The following EIF2AK1 variants were observed in gnomAD, a reference collection of about 807,000 sequenced individuals.
EIF2AK1 encodes eukaryotic translation initiation factor 2 alpha kinase 1, also known as eukaryotic translation initiation factor 2-alpha kinase 1.
Under a neutral mutation model 77.9 loss-of-function variants are expected in EIF2AK1, and 54 were observed. The observed-to-expected ratio is 0.69, with a 90% CI of 0.56 to 0.87. The LOEUF (loss-of-function observed/expected upper bound fraction) is 0.87, where lower values mean the gene tolerates loss of function less well. Among genes scored for constraint, EIF2AK1 ranks in the 40% least tolerant of loss-of-function variants. The pLI is 0.00. For missense variants in EIF2AK1, 810 were observed against 768.6 expected (o/e 1.05, Z -0.64); for synonymous variants, 314 against 290.5 (o/e 1.08, Z -0.82).
chr7:6,027,101 C>T lies in EIF2AK1; in HGVS notation c.1531-140G>A. On this transcript the variant is annotated intron_variant, in intron 13 of 14. Coordinates refer to ENST00000199389, the MANE Select transcript of EIF2AK1 (RefSeq NM_014413.4). This position sits in a 1 kb window ranked among gnomAD's most constrained non-coding sequence, Gnocchi z 4.5. The stretch of plus-strand genomic sequence containing the variant: ...GTCACCCACAAGGAAGGGAACAGAG[C>T]AGGATAGCTCATCAGTGACAGGGAC... 1 of 690,254 alleles carries T rather than the reference C, an allele frequency of 1.4e-6. No individual in the cohort carries two copies. Among genetic ancestry groups the T allele is most frequent in the South Asian group, 1.8e-5 (1 of 54,630 alleles). 42.8% of individuals were successfully genotyped at this position (690,254 alleles called of 1,614,324 possible).
Position 6,056,598 on chromosome 7 carries a change from G to GAAAAAAAAAAAAAAAAAAAA in EIF2AK1, c.119-1895_119-1894insTTTTTTTTTTTTTTTTTTTT, listed in dbSNP as rs1181376161. ...AACAGAGGGAGACTCCATCTCAAGG[G>GAAAAAAAAAAAAAAAAAAAA]AAAAAAAAAAAAAAAATATATATAT... On this transcript the variant is annotated intron_variant, in intron 1 of 14. Coordinates refer to ENST00000199389, the MANE Select transcript of EIF2AK1 (RefSeq NM_014413.4). Among the ~76,000 whole-genome samples, 8 of 48,826 alleles carry GAAAAAAAAAAAAAAAAAAAA rather than the reference G, an allele frequency of 1.6e-4. 1 individual carries two copies. Among genetic ancestry groups the GAAAAAAAAAAAAAAAAAAAA allele is most frequent in the Admixed American group, 2.5e-4 (1 of 3,980 alleles). The allele number at this position is 48,826 out of a possible 152,430, so 32.0% of individuals were successfully genotyped here.
intron 1 of EIF2AK1, among the ~76,000 whole-genome samples, chr7:6,058,759 G>C (rs113574967): frequency 6.6e-6 from 1 of 152,218 alleles, no homozygotes; most frequent in Admixed American, 6.5e-5. Flanking sequence ...AGGAGGGAGA[G>C]GCAGACGTTC....
chr7:6,041,167 C>T lies in EIF2AK1; in HGVS notation c.844G>A (p.Ala282Thr). Residue 282 changes from alanine (A) to threonine (T), a missense_variant, in exon 9 of 15, where the codon GCT becomes ACT. Ala to Thr is a moderately conservative substitution (Grantham distance 58, BLOSUM62 0). Transcript: ENST00000199389. Reference protein sequence around the residue: ...DESSSSSIIFAEPTPEKEKRF... With the variant: ...DESSSSSIIFTEPTPEKEKRF... ...TTTTCTTTTTCTGGGGTGGGCTCAG[C>T]AAAGATAATGGATGAGCTGCTACTT... The T allele has an allele frequency of 6.2e-7, 1 of 1,613,370 alleles. No homozygotes were observed. The highest frequency in any genetic ancestry group is 2.2e-5 in the East Asian group (1 of 44,860).
intron 11 of EIF2AK1, 35 bp from the exon 12 acceptor site, chr7:6,029,067 T>G (rs1363008308): frequency 2.0e-6 from 3 of 1,503,744 alleles, no homozygotes; most frequent in African/African-American, 1.4e-5. Flanking sequence ...CTCCTTGGCT[T>G]TCTTAAAACA....
At chr7:6,054,812 A>T (rs1788704598) in intron 1 of EIF2AK1, 108 bp from the exon 2 acceptor site, 1 of 1,172,504 alleles carries the variant, frequency 8.5e-7, no homozygotes, top group South Asian at 1.6e-5. Flanking sequence ...ATGTAAGCAG[A>T]TAAAAACCAA....
intron 2 of EIF2AK1, among the ~76,000 whole-genome samples, chr7:6,053,076 C>G (rs936138264): frequency 7.2e-5 from 11 of 152,008 alleles, no homozygotes; most frequent in African/African-American, 2.7e-4. Context: ...AGGAATTACT[C>G]AAAGAAAAAT....
chr7:6,056,611 A>AAAAAAAAAAAAAAAATAT (rs1788773483), intron 1 of EIF2AK1, among the ~76,000 whole-genome samples: 2 of 31,160 alleles, frequency 6.4e-5, no homozygotes, highest in African/African-American at 1.2e-4. Context: ...AAAAAAAAAA[A>AAAAAAAAAAAAAAAATAT]AAATATATAT....
chr7:6,046,352 G>A (rs1289507333), intron 5 of EIF2AK1: 3 of 334,800 alleles, frequency 9.0e-6, no homozygotes, highest in Non-Finnish European at 1.6e-5. Flanking sequence ...CTCCTAAGAA[G>A]CTCTAGGCTG....
At chr7:6,040,067 T>TC (rs977115017) in intron 9 of EIF2AK1, among the ~76,000 whole-genome samples, 10 of 152,122 alleles carry the variant, frequency 6.6e-5, no homozygotes, top group Non-Finnish European at 1.3e-4. Flanking sequence ...CTGACAATTT[T>TC]CATGTTTTTA....
In EIF2AK1 at chr7:6,031,676, A is replaced by T. The variant is rs552092243; in HGVS notation, c.1333-2644T>A. 2.2e-5 allele frequency: 30 copies of T among 1,342,624 alleles called. No homozygotes were observed. In the South Asian group the frequency reaches 3.1e-4, roughly 14 times the overall value. 83.2% of individuals were successfully genotyped at this position (1,342,624 alleles called of 1,614,324 possible). A position where few individuals can be genotyped will look rare whatever the true frequency, so the allele number is the denominator to read the frequency against. On this transcript the variant is annotated intron_variant, in intron 11 of 14. Coordinates refer to ENST00000199389, the MANE Select transcript of EIF2AK1 (RefSeq NM_014413.4). ...TGATCTAAAGCTGGTGAACCCACTA[A>T]GCTCACGGCCCTTATGAGAATGAGA...
intron 14 of EIF2AK1, among the ~76,000 whole-genome samples, chr7:6,025,649 ATATTG>A (rs1387161043): frequency 5.3e-5 from 8 of 152,144 alleles, no homozygotes; most frequent in Non-Finnish European, 1.2e-4. Context: ...TTCACTATTT[ATATTG>A]AGACGGAGTC....
Position 6,033,000 on chromosome 7 carries a change from G to T in EIF2AK1, c.1333-3968C>A. The T allele has an allele frequency of 7.2e-7, 1 of 1,394,756 alleles. No individual in the cohort carries two copies. 86.4% of individuals were successfully genotyped at this position (1,394,756 alleles called of 1,614,324 possible). ...TTTTTTGTTTTGAGGCAGGGGTCTCGCTCTGTTGCCCAGGCTGGAGTGCAA... is the reference window on the plus strand; with the variant it reads ...TTTTTTGTTTTGAGGCAGGGGTCTCTCTCTGTTGCCCAGGCTGGAGTGCAA... On this transcript the variant is annotated intron_variant, in intron 11 of 14. Transcript: ENST00000199389. The surrounding 1 kb of genome is among the most constrained non-coding windows in gnomAD (Gnocchi z 4.3).
rs1379147987 is a variant in EIF2AK1 at position 6,024,658 on chromosome 7, A to G, written c.*15T>C. 4 of 1,613,608 alleles carry G rather than the reference A, an allele frequency of 2.5e-6. No homozygotes were observed. The highest frequency in any genetic ancestry group is 1.7e-6 in the Non-Finnish European group (2 of 1,179,912). On this transcript the variant is annotated 3_prime_UTR_variant, in exon 15 of 15. Transcript: ENST00000199389. ...TTTACATTCCAGTTAACTACCTTAAAAGTTAAGTCCACTTTCATCCCACGC... is the reference window on the plus strand; with the variant it reads ...TTTACATTCCAGTTAACTACCTTAAGAGTTAAGTCCACTTTCATCCCACGC...
At chr7:6,058,130 C>T (rs754348543) in intron 1 of EIF2AK1, 1 of 455,554 alleles carries the variant, frequency 2.2e-6, no homozygotes, top group South Asian at 1.5e-5. Flanking sequence ...AACTTGGGGG[C>T]TGAGAGTGGT....
In EIF2AK1 at chr7:6,050,107, G is replaced by A. The variant is rs1788565051; in HGVS notation, c.278-62C>T. On this transcript the variant is annotated intron_variant, in intron 2 of 14. Transcript: ENST00000199389. ...TCTTTAATAAAATGGCAATTTTAAA[G>A]TGTACACAGAGAATAACGTGTAATA... The A allele has an allele frequency of 2.9e-6, 4 of 1,388,070 alleles. No homozygotes were observed. The Admixed American group carries it at 8.3e-5, about 29-fold the overall frequency. 86.0% of individuals were successfully genotyped at this position (1,388,070 alleles called of 1,614,324 possible). A position where few individuals can be genotyped will look rare whatever the true frequency, so the allele number is the denominator to read the frequency against.
chr7:6,023,821 C>T lies in EIF2AK1; in HGVS notation c.*852G>A. 2.6e-6 allele frequency: 4 copies of T among 1,565,732 alleles called. No homozygotes were observed. Among genetic ancestry groups the T allele is most frequent in the Non-Finnish European group, 3.5e-6 (4 of 1,154,124 alleles). Reference sequence around the variant, plus strand: ...GCCAGTTGTCAAGTGTCAATAAAAGCATCATGTAATTTATGGTTTTCATTT... The same window carrying T: ...GCCAGTTGTCAAGTGTCAATAAAAGTATCATGTAATTTATGGTTTTCATTT... On this transcript the variant is annotated 3_prime_UTR_variant, in exon 15 of 15. Coordinates refer to ENST00000199389, the MANE Select transcript of EIF2AK1 (RefSeq NM_014413.4).
chr7:6,044,621 G>A lies in EIF2AK1; in HGVS notation c.671C>T (p.Pro224Leu). The A allele has an allele frequency of 6.2e-7, 1 of 1,613,954 alleles. No individual in the cohort carries two copies. The highest frequency in any genetic ancestry group is 1.6e-4 in the Middle Eastern group (1 of 6,062). Reference sequence around the variant, plus strand: ...CGCGGTGTGATAGCCAACAATATTGGGGTGCTGAAGACCTGCCAGCACCTT... The same window carrying A: ...CGCGGTGTGATAGCCAACAATATTGAGGTGCTGAAGACCTGCCAGCACCTT... Reference protein sequence around the residue: ...EVKVLAGLQHPNIVGYHTAWI... With the variant: ...EVKVLAGLQHLNIVGYHTAWI... Residue 224 changes from proline (P) to leucine (L), a missense_variant, in exon 7 of 15, where the codon CCC becomes CTC. This residue lies in a region of EIF2AK1 where 549 missense variants were observed against 533.7 expected (regional missense o/e 1.03). Transcript: ENST00000199389.
In EIF2AK1 at chr7:6,054,827, A is replaced by G. The variant is rs1788704861; in HGVS notation, c.119-123T>C. 2.9e-6 allele frequency: 3 copies of G among 1,020,070 alleles called. No individual in the cohort carries two copies. The African/African-American group carries it at 4.9e-5, about 17-fold the overall frequency. The allele number at this position is 1,020,070 out of a possible 1,614,324, so 63.2% of individuals were successfully genotyped here. A position where few individuals can be genotyped will look rare whatever the true frequency, so the allele number is the denominator to read the frequency against. ...ATGTAAGCAGATAAAAACCAAAAGA[A>G]TAGTTATGCTGAGTTGGGTTAATCA... is the stretch of plus-strand genomic sequence containing the variant. On this transcript the variant is annotated intron_variant, in intron 1 of 14. Coordinates refer to ENST00000199389, the MANE Select transcript of EIF2AK1 (RefSeq NM_014413.4).
intron 4 of EIF2AK1, 42 bp downstream of exon 4, chr7:6,048,760 ATTTCT>A: frequency 1.4e-6 from 2 of 1,417,560 alleles, no homozygotes; most frequent in Non-Finnish European, 1.9e-6. Context: ...CTTAATTTTG[ATTTCT>A]TTTCAATAGT....
Sources: allele counts gnomAD v4.1 joint callset (sites outside exome capture counted in the v4.1 genomes callset), GRCh38; gene constraint gnomAD v4.1.1; regional missense constraint gnomAD v4.1.1; non-coding constraint Gnocchi (gnomAD v3.1); transcripts MANE v1.5; gene names NCBI Gene and HGNC (gene_info 2026-07-23, HGNC 2026-07-21).